The following MSR1 variants were observed in gnomAD, a reference collection of about 807,000 sequenced individuals.
The protein encoded by MSR1 is macrophage scavenger receptor 1.
In MSR1, 53 loss-of-function variants were observed where a neutral mutation model predicts 47.2. The ratio of observed to expected loss-of-function variants is 1.12; its 90% CI spans 0.90 to 1.41. MSR1 has a LOEUF of 1.41. Ranked by LOEUF, MSR1 falls within the 40% of genes most tolerant of loss-of-function variation. The pLI, the probability that MSR1 is intolerant of heterozygous loss-of-function variation, is 0.00. For missense variants in MSR1, 786 were observed against 546.9 expected (o/e 1.44, Z -4.36); for synonymous variants, 239 against 185.6 (o/e 1.29, Z -2.34).
At position 16,192,619 on chromosome 8, in the gene MSR1, C is replaced by A. The variant is rs563117101; in HGVS notation, c.-26G>T. 13 of 151,956 alleles carry A rather than the reference C, an allele frequency of 8.6e-5. No individual in the cohort carries two copies. The highest frequency in any genetic ancestry group is 2.7e-4 in the African/African-American group (11 of 41,454). The allele number at this position is 151,956 out of a possible 1,614,324, so 9.4% of individuals were successfully genotyped here. A position where few individuals can be genotyped will look rare whatever the true frequency, so the allele number is the denominator to read the frequency against. Reference sequence around the variant, plus strand: ...TTACCTTTCGTCCTAAAGAAAGCAGCACTGATTTATCCACTTCTCTCTCTT... The same window carrying A: ...TTACCTTTCGTCCTAAAGAAAGCAGAACTGATTTATCCACTTCTCTCTCTT... On this transcript the variant is annotated 5_prime_UTR_variant, in exon 1 of 10. Coordinates refer to ENST00000262101, the MANE Select transcript of MSR1 (RefSeq NM_138715.3).
intron 8 of MSR1, among the ~76,000 whole-genome samples, chr8:16,121,518 G>T (rs183374969): frequency 2.0e-5 from 3 of 151,852 alleles, no homozygotes; most frequent in Non-Finnish European, 2.9e-5. Context: ...TTCACTTGGC[G>T]TATGAAAAAT....
chr8:16,137,796 A>G (rs1800428182), intron 8 of MSR1, among the ~76,000 whole-genome samples: 1 of 152,004 alleles, frequency 6.6e-6, no homozygotes, highest in Non-Finnish European at 1.5e-5. Context: ...AGTTTGCACC[A>G]GCCTTGGCAA....
At chr8:16,124,213 C>G (rs17620619) in intron 8 of MSR1, among the ~76,000 whole-genome samples, 5,731 of 152,238 alleles carry the variant, frequency 0.038, 213 homozygotes, top group East Asian at 0.13. Context: ...GGCATTCCCA[C>G]AGTGAGAATG....
chr8:16,162,247 A>C (rs559045853), intron 5 of MSR1, among the ~76,000 whole-genome samples: 1 of 152,154 alleles, frequency 6.6e-6, no homozygotes, highest in African/African-American at 2.4e-5. Flanking sequence ...TTTTTTCAGC[A>C]CACTGATAGA....
At chr8:16,165,444 G>A (rs1390580324) in intron 4 of MSR1, among the ~76,000 whole-genome samples, 2 of 151,924 alleles carry the variant, frequency 1.3e-5, no homozygotes, top group African/African-American at 4.8e-5. Context: ...CATTTGCTTG[G>A]TTTTCTCTTT....
chr8:16,190,251 T>C (rs440785), intron 1 of MSR1, among the ~76,000 whole-genome samples: 27,764 of 152,034 alleles, frequency 0.18, 3,972 homozygotes, highest in African/African-American at 0.39. Context: ...GGATAATTCA[T>C]CATATGTGAA....
chr8:16,136,855 C>A (rs939316768), intron 8 of MSR1, among the ~76,000 whole-genome samples: 3 of 152,014 alleles, frequency 2.0e-5, no homozygotes, highest in African/African-American at 7.2e-5. Flanking sequence ...CCCACCTTGG[C>A]CTCCCAAAGC....
At chr8:16,177,745 T>C in intron 2 of MSR1, 141 bp downstream of exon 2, 1 of 690,040 alleles carries the variant, frequency 1.4e-6, no homozygotes, top group Admixed American at 2.2e-5. Context: ...TTTTATTCTG[T>C]CTCAAGAATA....
intron 5 of MSR1, among the ~76,000 whole-genome samples, 182 bp downstream of exon 5, chr8:16,163,883 C>T (rs1801228892): frequency 6.6e-6 from 1 of 151,874 alleles, no homozygotes; most frequent in Admixed American, 6.6e-5. Context: ...TGATACCAGG[C>T]TACTGGTTAT....
intron 8 of MSR1, chr8:16,139,209 C>T: frequency 1.1e-6 from 1 of 926,436 alleles, no homozygotes. Flanking sequence ...CAGCTTCTTG[C>T]ATTTTCATTT....
At chr8:16,164,440 A>G (rs1031830922) in intron 4 of MSR1, among the ~76,000 whole-genome samples, 189 bp from the exon 5 acceptor site, 1 of 151,966 alleles carries the variant, frequency 6.6e-6, no homozygotes, top group Non-Finnish European at 1.5e-5. Context: ...TCCTCTTTTG[A>G]CTGAATGGCT....
intron 8 of MSR1, among the ~76,000 whole-genome samples, chr8:16,133,998 T>C (rs1585147260): frequency 1.3e-5 from 2 of 152,298 alleles, no homozygotes; most frequent in East Asian, 3.9e-4. Flanking sequence ...TGTATTTTTT[T>C]CCTCACAAAT....
intron 5 of MSR1, among the ~76,000 whole-genome samples, chr8:16,157,657 T>A (rs565210678): frequency 2.7e-4 from 41 of 152,058 alleles, no homozygotes; most frequent in African/African-American, 9.4e-4. Flanking sequence ...GGGAATAAAA[T>A]AACAAATTAT....
rs1800536215 is a variant in MSR1, at chr8:16,140,819, C to T, written c.1033+2739G>A. The T allele has an allele frequency of 3.3e-6, 5 of 1,537,208 alleles. No individual in the cohort carries two copies. The African/African-American group carries it at 4.2e-5, about 13-fold the overall frequency. ...AGAGGTATGAGCATGGGAGCAGAGG[C>T]CCAAACAGCACCAGGGACCAGGAGA... On this transcript the variant is annotated intron_variant, in intron 8 of 9. Transcript: ENST00000262101.
chr8:16,122,768 G>A (rs774539995), intron 8 of MSR1, among the ~76,000 whole-genome samples: 2 of 151,660 alleles, frequency 1.3e-5, no homozygotes, highest in South Asian at 2.1e-4. Context: ...CAAAGGGAAT[G>A]GCTGACTGTA....
At chr8:16,159,722 A>C (rs910098589) in intron 5 of MSR1, among the ~76,000 whole-genome samples, 1 of 151,970 alleles carries the variant, frequency 6.6e-6, no homozygotes, top group Admixed American at 6.6e-5. Flanking sequence ...AGAGAATATG[A>C]GATACTTTTA....
rs35452308 is a variant in MSR1, at chr8:16,174,253, TTTG to T, written c.217+931_217+933del. ...CTTTGGCCTGGTCTTTAGGAACTTT[TTTG>T]TTGTTGTTGTTAAACTGCTTAGTAT... On this transcript the variant is annotated intron_variant, in intron 3 of 9. Coordinates refer to ENST00000262101, the MANE Select transcript of MSR1 (RefSeq NM_138715.3). 3.7e-3 allele frequency among the ~76,000 whole-genome samples: 560 copies of T among 151,690 alleles called. 3 individuals are homozygous for T. The highest frequency in any genetic ancestry group is 1.6e-3 in the Non-Finnish European group (107 of 67,716).
Position 16,120,531 on chromosome 8 carries a change from T to C in MSR1, c.1109A>G (p.Gln370Arg), listed in dbSNP as rs201417972. The change falls in exon 9 of 10, where the codon CAG (glutamine) becomes CGG (arginine). Residue 370 changes from glutamine to arginine, a missense_variant. By Grantham distance (43) the Gln-to-Arg change is conservative (BLOSUM62 1). Coordinates refer to ENST00000262101, the MANE Select transcript of MSR1 (RefSeq NM_138715.3). ...GCGATCGTCACAAATTGTACCCCAC[T>C]GGCCGCTGTGGAGTATCTCCACCCT... ...EGRVEILHSG[Q>R]WGTICDDRWE... The C allele has an allele frequency of 1.2e-6, 2 of 1,609,658 alleles. No homozygotes were observed. The highest frequency in any genetic ancestry group is 1.7e-6 in the Non-Finnish European group (2 of 1,178,990).
intron 1 of MSR1, among the ~76,000 whole-genome samples, chr8:16,183,613 A>ATATAT (rs1801904106): frequency 1.1e-5 from 1 of 89,244 alleles, no homozygotes; most frequent in African/African-American, 5.3e-5. Flanking sequence ...TAATAGGCAA[A>ATATAT]TATATAATAT....
Sources: gnomAD v4.1 joint callset for allele counts (sites outside exome capture counted in the v4.1 genomes callset) on GRCh38, gnomAD v4.1.1 for gene constraint, MANE v1.5 for transcripts, NCBI Gene and HGNC (gene_info 2026-07-23, HGNC 2026-07-21) for gene names.